Variants in SLTM observed in about 807,000 individuals in gnomAD.
SLTM encodes SAFB-like transcription modulator.
SLTM carries 43 observed loss-of-function variants against 134.6 expected under a neutral mutation model. That is an observed-to-expected ratio of 0.32 (90% CI 0.25 to 0.41). SLTM has a LOEUF of 0.41. Among genes scored for constraint, SLTM ranks in the 10% least tolerant of loss-of-function variants. The pLI, the probability that SLTM is intolerant of heterozygous loss-of-function variation, is 1.00. For synonymous variants in SLTM, 424 were observed against 432.3 expected (o/e 0.98, Z 0.24); for missense variants, 1,055 against 1,288.8 (o/e 0.82, Z 2.78).
At chr15:58,890,124 G>C in intron 15 of SLTM, 157 bp downstream of exon 15, 1 of 746,648 alleles carries the variant, frequency 1.3e-6, no homozygotes, top group Middle Eastern at 3.5e-4. Flanking sequence ...TTTTTAACTA[G>C]TACCTAATTC....
chr15:58,931,034 G>T (rs867594776), intron 2 of SLTM, among the ~76,000 whole-genome samples: 14 of 152,078 alleles, frequency 9.2e-5, no homozygotes, highest in Non-Finnish European at 1.9e-4. Flanking sequence ...TAAAAGATAT[G>T]AATCAAAACT....
intron 16 of SLTM, 92 bp from the exon 17 acceptor site, chr15:58,888,647 T>G: frequency 7.9e-7 from 1 of 1,271,088 alleles, no homozygotes; most frequent in Non-Finnish European, 1.1e-6. Context: ...ATGTTAGAAC[T>G]GTGGACATAA....
In SLTM at chr15:58,913,528, C is replaced by A. The variant is rs759588732; in HGVS notation, c.484G>T (p.Asp162Tyr). The change falls in exon 4 of 21, where the codon GAT becomes TAT. Residue 162 changes from aspartate (D) to tyrosine (Y), a missense_variant. This residue lies in a region of SLTM where 268 missense variants were observed against 284.3 expected (regional missense o/e 0.94). Transcript: ENST00000380516. The part of the protein sequence containing the change: ...HELIEAEGIE[D>Y]IEKEDIESQE... ...CTTTCGATGTCCTCTTTTTCTATAT[C>A]TTCTATTCCTTCTGCCTCTATTAAT... is the stretch of plus-strand genomic sequence containing the variant. 6.2e-7 allele frequency: 1 copy of A among 1,611,282 alleles called. No homozygotes were observed. Among genetic ancestry groups the A allele is most frequent in the Admixed American group, 1.7e-5 (1 of 59,838 alleles).
chr15:58,881,762 G>A (rs969480831), intron 20 of SLTM, among the ~76,000 whole-genome samples: 5 of 152,098 alleles, frequency 3.3e-5, no homozygotes, highest in Admixed American at 6.5e-5. Flanking sequence ...GGATAGCTAT[G>A]ATAAACTTTC....
At chr15:58,906,931 A>T (rs769406601) in intron 5 of SLTM, among the ~76,000 whole-genome samples, 2 of 152,222 alleles carry the variant, frequency 1.3e-5, no homozygotes, top group African/African-American at 2.4e-5. Context: ...TAGTGAAAAG[A>T]ATATCAGACT....
chr15:58,894,140 A>G lies in SLTM; in HGVS notation c.1431T>C (p.Ser477=). The G allele has an allele frequency of 6.2e-7, 1 of 1,611,688 alleles. No individual in the cohort carries two copies. Among genetic ancestry groups the G allele is most frequent in the Non-Finnish European group, 8.5e-7 (1 of 1,179,062 alleles). ...TTTTATCTCCAGAACTTCTTGAACT[A>G]CTCTTTTCATCATTTTCTTTCTTCA... is the stretch of plus-strand genomic sequence containing the variant. The part of the protein sequence containing the change: ...KEMKKENDEK[S]SSRSSGDKKN... Residue 477 remains serine, a synonymous_variant, in exon 11 of 21, where the codon AGT becomes AGC. Transcript: ENST00000380516.
At chr15:58,886,333 C>G (rs1285126844) in intron 19 of SLTM, among the ~76,000 whole-genome samples, 5 of 148,314 alleles carry the variant, frequency 3.4e-5, no homozygotes, top group Non-Finnish European at 7.4e-5. Flanking sequence ...GTGGCACCAT[C>G]TTGGCTCACT....
Position 58,880,089 on chromosome 15 carries a change from A to G in SLTM, c.3015T>C (p.Asn1005=). ...TQHSSNASPI[N]RIVQISGNSM... is the part of the protein sequence containing the mutation. ...AATTGCCACTGATTTGTACAATTCT[A>G]TTAATTGGGGATGCGTTACTGAAAA... is the stretch of plus-strand genomic sequence containing the variant. The change falls in exon 21 of 21, where the codon AAT becomes AAC. Residue 1005 remains asparagine (N), a synonymous_variant. Coordinates refer to ENST00000380516, the MANE Select transcript of SLTM (RefSeq NM_024755.4). 1 of 1,613,222 alleles carries G rather than the reference A, an allele frequency of 6.2e-7. No individual in the cohort carries two copies. The highest frequency in any genetic ancestry group is 8.5e-7 in the Non-Finnish European group (1 of 1,179,652).
In SLTM at chr15:58,933,484, T is replaced by C. The variant is rs1339012679; in HGVS notation, c.82A>G (p.Ile28Val). The change falls in exon 1 of 21, where the codon ATC (isoleucine) becomes GTC (valine). Residue 28 changes from isoleucine to valine, a missense_variant. By Grantham distance (29) the Ile-to-Val change is conservative (BLOSUM62 3). Around this residue, in one of 3 missense-constraint regions of SLTM, gnomAD observed 268 missense variants for 284.3 expected, o/e 0.94. Coordinates refer to ENST00000380516, the MANE Select transcript of SLTM (RefSeq NM_024755.4). ...CGCTTCAGCTCGGACTTCAGATCGATGACCCGCAGATCGGTGATCTTTTTA... is the reference window on the plus strand; with the variant it reads ...CGCTTCAGCTCGGACTTCAGATCGACGACCCGCAGATCGGTGATCTTTTTA... Reference protein sequence around the residue: ...EGKKITDLRVIDLKSELKRRN... With the variant: ...EGKKITDLRVVDLKSELKRRN... The C allele has an allele frequency of 1.9e-6, 3 of 1,599,048 alleles. No individual in the cohort carries two copies. Among genetic ancestry groups the C allele is most frequent in the Middle Eastern group, 1.7e-4 (1 of 6,038 alleles).
intron 2 of SLTM, among the ~76,000 whole-genome samples, chr15:58,918,817 GC>G (rs1315797316): frequency 2.0e-5 from 3 of 151,726 alleles, no homozygotes; most frequent in African/African-American, 7.3e-5. Flanking sequence ...TGATTATGTT[GC>G]CCTAAAATCT....
At chr15:58,927,981 T>C (rs2037603380) in intron 2 of SLTM, among the ~76,000 whole-genome samples, 1 of 152,340 alleles carries the variant, frequency 6.6e-6, no homozygotes, top group Middle Eastern at 3.4e-3. Context: ...ATGTAGTCTG[T>C]GGTATTTTCC....
In SLTM at chr15:58,913,645, G is replaced by T; in HGVS notation, c.367C>A (p.Leu123Ile). The T allele has an allele frequency of 6.2e-7, 1 of 1,613,450 alleles. No homozygotes were observed. Among genetic ancestry groups the T allele is most frequent in the Non-Finnish European group, 8.5e-7 (1 of 1,179,820 alleles). The change falls in exon 4 of 21, where the codon CTA (leucine) becomes ATA (isoleucine). Residue 123 changes from leucine (L) to isoleucine (I), a missense_variant. By Grantham distance (5) the Leu-to-Ile change is conservative. Around this residue, in one of 3 missense-constraint regions of SLTM, gnomAD observed 268 missense variants for 284.3 expected, o/e 0.94. Transcript: ENST00000380516. ...TCACCAAATTCTTCAGAGTCCTTTA[G>T]TTCATCATTTCCATCTTGCTCATGT... ...EAHEQDGNDE[L>I]KDSEEFGENE...
chr15:58,884,727 G>T (rs202077517), intron 19 of SLTM, among the ~76,000 whole-genome samples: 1 of 151,848 alleles, frequency 6.6e-6, no homozygotes, highest in East Asian at 1.9e-4. Context: ...AACTCCTGGG[G>T]CTCAAGCAAT....
intron 5 of SLTM, among the ~76,000 whole-genome samples, chr15:58,911,675 A>G (rs1411827168): frequency 6.6e-6 from 1 of 152,246 alleles, no homozygotes; most frequent in Non-Finnish European, 1.5e-5. Flanking sequence ...GATAATTTTT[A>G]TGTAGAAACT....
At chr15:58,886,171 T>C (rs1218657930) in intron 19 of SLTM, among the ~76,000 whole-genome samples, 5 of 151,612 alleles carry the variant, frequency 3.3e-5, no homozygotes, top group Admixed American at 6.6e-5. Context: ...AAGTTCTATT[T>C]CAATTTTACA....
At position 58,897,124 on chromosome 15, in the gene SLTM, T is replaced by C. The variant is rs1194616065; in HGVS notation, c.1218A>G (p.Lys406=). ...GGTAAAAAGAATGTACCTTTCCATA[T>C]TTGCCAAAGAGGTTCTTCAAATCAG... ...KAADLKNLFG[K]YGKVLSAKVV... The change falls in exon 9 of 21, where the codon AAA becomes AAG. Residue 406 remains lysine (K), a synonymous_variant. Coordinates refer to ENST00000380516, the MANE Select transcript of SLTM (RefSeq NM_024755.4). The C allele has an allele frequency of 1.9e-6, 3 of 1,602,666 alleles. No homozygotes were observed. Among genetic ancestry groups the C allele is most frequent in the Admixed American group, 3.3e-5 (2 of 59,918 alleles).
At chr15:58,891,979 A>G (rs2034673988) in intron 14 of SLTM, among the ~76,000 whole-genome samples, 1 of 152,172 alleles carries the variant, frequency 6.6e-6, no homozygotes, top group African/African-American at 2.4e-5. Context: ...AGCTAGGCAC[A>G]TTTGGACTTC....
chr15:58,893,156 TA>T, intron 13 of SLTM, 96 bp from the exon 14 acceptor site: 1 of 1,400,220 alleles, frequency 7.1e-7, no homozygotes, highest in South Asian at 1.3e-5. Context: ...AAATGACTAG[TA>T]ACATTTCCTT....
intron 5 of SLTM, among the ~76,000 whole-genome samples, chr15:58,906,720 G>T (rs1002354368): frequency 6.6e-6 from 1 of 152,094 alleles, no homozygotes; most frequent in Non-Finnish European, 1.5e-5. Flanking sequence ...TAAACATCAT[G>T]GGAAATACAA....
Sources: allele counts gnomAD v4.1 joint callset (sites outside exome capture counted in the v4.1 genomes callset), GRCh38; gene constraint gnomAD v4.1.1; regional missense constraint gnomAD v4.1.1; transcripts MANE v1.5; gene names NCBI Gene and HGNC (gene_info 2026-07-23, HGNC 2026-07-21).